Variants in DNAH8 observed in about 807,000 individuals in gnomAD.
The protein encoded by DNAH8 is dynein axonemal heavy chain 8.
Under a neutral mutation model 562.1 loss-of-function variants are expected in DNAH8, and 382 were observed. The ratio of observed to expected loss-of-function variants is 0.68; its 90% CI spans 0.63 to 0.74. DNAH8 has a LOEUF of 0.74. DNAH8 is among the 30% of genes least tolerant of loss of function. The pLI, the probability that DNAH8 is intolerant of heterozygous loss-of-function variation, is 0.00. For missense variants in DNAH8, 5,203 were observed against 5,620.4 expected, an observed-to-expected ratio of 0.93 and a Z score of 2.37; for synonymous variants, 1,881 against 1,919.4, an observed-to-expected ratio of 0.98 and a Z score of 0.52.
At chr6:38,729,782 G>A (rs539090595) in intron 3 of DNAH8, 120 bp from the exon 4 acceptor site, 3 of 611,572 alleles carry the variant, frequency 4.9e-6, no homozygotes, top group Non-Finnish European at 8.7e-6. Flanking sequence ...ATTAGTTTGG[G>A]TTCTAATCTT....
At chr6:39,020,375 G>A (rs775397969) in intron 91 of DNAH8, among the ~76,000 whole-genome samples, 18 of 152,136 alleles carry the variant, frequency 1.2e-4, no homozygotes, top group East Asian at 1.9e-4. Context: ...AGCTTTTTAC[G>A]GGGCAGTGGT....
At chr6:38,950,596 C>T (rs1046663251) in intron 81 of DNAH8, among the ~76,000 whole-genome samples, 1 of 151,886 alleles carries the variant, frequency 6.6e-6, no homozygotes, top group Admixed American at 6.6e-5. Flanking sequence ...CCTGCCACCA[C>T]GCCCGGCTAA....
chr6:38,819,937 A>G (rs538025834), intron 26 of DNAH8, among the ~76,000 whole-genome samples: 1 of 152,226 alleles, frequency 6.6e-6, no homozygotes, highest in Non-Finnish European at 1.5e-5. Context: ...TTTTGGAGAA[A>G]ATATTACTGA....
chr6:39,007,272 T>C (rs77431158), intron 88 of DNAH8, among the ~76,000 whole-genome samples: 15,177 of 152,206 alleles, frequency 0.1, 895 homozygotes, highest in Admixed American at 0.19. Context: ...TATTAAAAGG[T>C]ATGCAAGTAT....
At chr6:38,957,699 A>G (rs1762333882) in intron 82 of DNAH8, among the ~76,000 whole-genome samples, 1 of 152,078 alleles carries the variant, frequency 6.6e-6, no homozygotes, top group Non-Finnish European at 1.5e-5. Flanking sequence ...GTACAAATAC[A>G]AGGAAAGTAA....
At chr6:38,852,309 C>G (rs1459540407) in intron 39 of DNAH8, among the ~76,000 whole-genome samples, 1 of 151,018 alleles carries the variant, frequency 6.6e-6, no homozygotes, top group Non-Finnish European at 1.5e-5. Flanking sequence ...GGACTTGTAA[C>G]AATGAGAAAA....
intron 87 of DNAH8, among the ~76,000 whole-genome samples, chr6:38,989,150 C>T (rs1036549604): frequency 2.6e-5 from 4 of 152,170 alleles, no homozygotes; most frequent in African/African-American, 9.7e-5. Context: ...TACTAGAGAA[C>T]GTGTGACCAA....
intron 48 of DNAH8, among the ~76,000 whole-genome samples, chr6:38,870,024 G>A (rs892974433): frequency 8.5e-5 from 13 of 152,330 alleles, no homozygotes; most frequent in African/African-American, 2.4e-4. Context: ...GCAAAGTCAC[G>A]TCTTTACATG....
Position 38,823,002 on chromosome 6 carries a change from C to T in DNAH8, c.3688C>T (p.Leu1230Phe). ...GCAGGACTTTCAGAAGTACAAGACTCTCTGGACAGAGGACCGCGATGTGAA... is the reference window on the plus strand; with the variant it reads ...GCAGGACTTTCAGAAGTACAAGACTTTCTGGACAGAGGACCGCGATGTGAA... ...ALQDFQKYKTLWTEDRDVKVK... is the reference protein window; with the variant it reads ...ALQDFQKYKTFWTEDRDVKVK... Residue 1230 changes from leucine (L) to phenylalanine (F), a missense_variant, in exon 27 of 93, where the codon CTC becomes TTC. Leu to Phe is a conservative substitution (Grantham distance 22). Coordinates refer to ENST00000327475, the MANE Select transcript of DNAH8 (RefSeq NM_001206927.2). 1 of 1,597,566 alleles carries T rather than the reference C, an allele frequency of 6.3e-7. No individual in the cohort carries two copies. The highest frequency in any genetic ancestry group is 8.5e-7 in the Non-Finnish European group (1 of 1,175,630).
chr6:38,715,944 A>AT (rs1762276084), intron 1 of DNAH8, among the ~76,000 whole-genome samples: 3 of 22,458 alleles, frequency 1.3e-4, no homozygotes, highest in African/African-American at 4.8e-4. Context: ...ATATATATAT[A>AT]TATATATATA....
At chr6:38,931,047 A>G (rs1782516558) in intron 75 of DNAH8, among the ~76,000 whole-genome samples, 1 of 152,124 alleles carries the variant, frequency 6.6e-6, no homozygotes, top group Non-Finnish European at 1.5e-5. Flanking sequence ...TTAATATGCC[A>G]AAGGAGGTTA....
intron 79 of DNAH8, among the ~76,000 whole-genome samples, chr6:38,943,536 C>A (rs371621350): frequency 2.0e-5 from 3 of 151,984 alleles, no homozygotes; most frequent in East Asian, 1.9e-4. Context: ...TTGCAAGGTG[C>A]CTTTGACTTT....
intron 37 of DNAH8, among the ~76,000 whole-genome samples, chr6:38,849,407 AT>A (rs1775560401): frequency 6.6e-6 from 1 of 152,286 alleles, no homozygotes; most frequent in East Asian, 1.9e-4. Flanking sequence ...AAACAGCTCT[AT>A]TGGGGCCTTT....
At chr6:38,787,065 T>G (rs1220509116) in intron 18 of DNAH8, 113 bp downstream of exon 18, 1 of 520,648 alleles carries the variant, frequency 1.9e-6, no homozygotes, top group Non-Finnish European at 3.0e-6. Flanking sequence ...AGGGAAAATT[T>G]GTTAATATGT....
chr6:39,016,735 T>A (rs1230622068), intron 91 of DNAH8, among the ~76,000 whole-genome samples: 1 of 152,196 alleles, frequency 6.6e-6, no homozygotes, highest in South Asian at 2.1e-4. Context: ...AATTGTATAA[T>A]GCAATGTGGC....
chr6:38,982,384 C>G lies in DNAH8; in HGVS notation c.12873C>G (p.Pro4291=). ...TTGGCCCCTTAGGATGGAATATTCCCTACGAATTCAATTCTGCTGACTTTT... is the reference window on the plus strand; with the variant it reads ...TTGGCCCCTTAGGATGGAATATTCCGTACGAATTCAATTCTGCTGACTTTT... ...RKFGPLGWNI[P]YEFNSADFSA... is the part of the protein sequence containing the mutation. Residue 4291 remains proline (P), a synonymous_variant, in exon 86 of 93, where the codon CCC becomes CCG. Transcript: ENST00000327475. 1 of 1,611,506 alleles carries G rather than the reference C, an allele frequency of 6.2e-7. No individual in the cohort carries two copies.
intron 1 of DNAH8, among the ~76,000 whole-genome samples, chr6:38,719,470 T>C (rs186044198): frequency 7.7e-4 from 117 of 152,276 alleles, no homozygotes; most frequent in Non-Finnish European, 1.4e-3. Context: ...TACTTATAAG[T>C]GTGAACATGA....
chr6:38,881,212 C>T (rs1047989372), intron 53 of DNAH8, among the ~76,000 whole-genome samples: 5 of 152,134 alleles, frequency 3.3e-5, no homozygotes, highest in Admixed American at 6.5e-5. Flanking sequence ...GTTAAACATA[C>T]TCATTTTTGC....
At chr6:38,756,102 T>A in intron 10 of DNAH8, 23 bp downstream of exon 10, 1 of 1,375,732 alleles carries the variant, frequency 7.3e-7, no homozygotes, top group South Asian at 1.2e-5. Context: ...GGGAGGAAAT[T>A]ACATGTCATC....
Sources: allele counts gnomAD v4.1 joint callset (sites outside exome capture counted in the v4.1 genomes callset), GRCh38; gene constraint gnomAD v4.1.1; transcripts MANE v1.5; gene names NCBI Gene and HGNC (gene_info 2026-07-23, HGNC 2026-07-21).